Variants in EDIL3 observed in about 807,000 individuals in gnomAD.
The protein encoded by EDIL3 is EGF like and discoidin domains 3.
A neutral mutation model predicts 67.4 loss-of-function variants in EDIL3; 37 were observed. The observed-to-expected ratio is 0.55, with a 90% CI of 0.42 to 0.72. The LOEUF (loss-of-function observed/expected upper bound fraction) is 0.72, where lower values mean the gene tolerates loss of function less well. Ranked by LOEUF, EDIL3 falls within the 30% of genes least tolerant of loss-of-function variation. The probability of loss-of-function intolerance (pLI) is 0.00; values close to 1 mark genes in which losing one functional copy is unlikely to be tolerated. For missense variants in EDIL3, 527 were observed against 586.3 expected, an observed-to-expected ratio of 0.90 and a Z score of 1.04; for synonymous variants, 195 against 196.3, an observed-to-expected ratio of 0.99 and a Z score of 0.05.
At chr5:84,193,407 A>G (rs1390424338) in intron 3 of EDIL3, among the ~76,000 whole-genome samples, 1 of 151,918 alleles carries the variant, frequency 6.6e-6, no homozygotes, top group African/African-American at 2.4e-5. Flanking sequence ...TGAAACAGCA[A>G]CACTGGAAGA....
intron 2 of EDIL3, among the ~76,000 whole-genome samples, chr5:84,247,825 T>C (rs894742063): frequency 6.6e-6 from 1 of 151,970 alleles, no homozygotes; most frequent in African/African-American, 2.4e-5. Context: ...GATGTCAATG[T>C]AATTACAGAG....
At chr5:84,307,790 G>C (rs72778409) in intron 1 of EDIL3, among the ~76,000 whole-genome samples, 13,454 of 152,124 alleles carry the variant, frequency 0.088, 747 homozygotes, top group South Asian at 0.2. Flanking sequence ...GCATAATAAA[G>C]TACAGAAGAA....
At chr5:83,998,468 A>T (rs1745271676) in intron 9 of EDIL3, among the ~76,000 whole-genome samples, 1 of 152,182 alleles carries the variant, frequency 6.6e-6, no homozygotes, top group Admixed American at 6.5e-5. Context: ...GCATTGGGTG[A>T]TACCTAGTAC....
chr5:84,139,720 C>T (rs1031511427), intron 4 of EDIL3, among the ~76,000 whole-genome samples: 4 of 152,048 alleles, frequency 2.6e-5, no homozygotes, highest in Non-Finnish European at 5.9e-5. Flanking sequence ...CTCATATATA[C>T]TTAGAGAGAG....
At chr5:84,362,258 C>T (rs1026252269) in intron 1 of EDIL3, among the ~76,000 whole-genome samples, 6 of 152,158 alleles carry the variant, frequency 3.9e-5, no homozygotes, top group African/African-American at 1.2e-4. Context: ...TGGAGTACAA[C>T]CAAATGAGTC....
At chr5:84,368,653 T>C (rs1355689091) in intron 1 of EDIL3, among the ~76,000 whole-genome samples, 1 of 152,136 alleles carries the variant, frequency 6.6e-6, no homozygotes, top group East Asian at 1.9e-4. Flanking sequence ...TAAAAAGTTT[T>C]GTATATCCAA....
At chr5:84,003,727 G>T (rs992534921) in intron 9 of EDIL3, among the ~76,000 whole-genome samples, 2 of 151,978 alleles carry the variant, frequency 1.3e-5, no homozygotes, top group Non-Finnish European at 2.9e-5. Flanking sequence ...ATATACTTAG[G>T]TACATAGACC....
chr5:84,068,602 C>T (rs1184880345), intron 6 of EDIL3, among the ~76,000 whole-genome samples: 1 of 152,122 alleles, frequency 6.6e-6, no homozygotes, highest in African/African-American at 2.4e-5. Context: ...GATGGAACTG[C>T]AGTTAGTTAA....
intron 1 of EDIL3, among the ~76,000 whole-genome samples, chr5:84,311,704 C>T (rs549798935): frequency 2.2e-4 from 34 of 152,028 alleles, no homozygotes; most frequent in Non-Finnish European, 4.6e-4. Flanking sequence ...GAGGACCCTG[C>T]GGCCTTCCGC....
chr5:84,256,725 T>C (rs1303009557), intron 1 of EDIL3, among the ~76,000 whole-genome samples: 1 of 152,198 alleles, frequency 6.6e-6, no homozygotes, highest in African/African-American at 2.4e-5. Context: ...ATTTGTGCTT[T>C]GGAAGAATCA....
intron 4 of EDIL3, among the ~76,000 whole-genome samples, chr5:84,171,698 T>A (rs182215970): frequency 7.2e-5 from 11 of 152,330 alleles, no homozygotes; most frequent in African/African-American, 2.6e-4. Flanking sequence ...TTTGACTATT[T>A]CTGTGCTTAG....
At chr5:84,144,267 T>C (rs363987) in intron 4 of EDIL3, among the ~76,000 whole-genome samples, 52,343 of 148,380 alleles carry the variant, frequency 0.35, 9,907 homozygotes, top group East Asian at 0.74. Context: ...CCACCCTTCC[T>C]CCTTTCCTTC....
intron 1 of EDIL3, among the ~76,000 whole-genome samples, chr5:84,376,682 A>G (rs1747974996): frequency 6.6e-6 from 1 of 152,204 alleles, no homozygotes; most frequent in Admixed American, 6.5e-5. Flanking sequence ...TATATAAGAG[A>G]CACACTGCTG....
intron 9 of EDIL3, among the ~76,000 whole-genome samples, chr5:84,039,116 T>TTG (rs1012164347): frequency 1.3e-5 from 2 of 152,088 alleles, no homozygotes; most frequent in African/African-American, 4.8e-5. Context: ...GTGTTTTTTT[T>TTG]TTTTAATTAT....
intron 1 of EDIL3, among the ~76,000 whole-genome samples, chr5:84,371,701 A>G (rs1052596253): frequency 6.6e-6 from 1 of 151,894 alleles, no homozygotes; most frequent in African/African-American, 2.4e-5. Flanking sequence ...CTCATATAAT[A>G]GAAGTAAGAA....
chr5:84,382,434 G>A (rs575357989), intron 1 of EDIL3, among the ~76,000 whole-genome samples: 1 of 151,990 alleles, frequency 6.6e-6, no homozygotes, highest in African/African-American at 2.4e-5. Context: ...ATAGGCAAGC[G>A]CGGCCACATA....
intron 9 of EDIL3, among the ~76,000 whole-genome samples, chr5:84,031,316 A>G (rs1745919226): frequency 6.6e-6 from 1 of 152,316 alleles, no homozygotes; most frequent in Non-Finnish European, 1.5e-5. Flanking sequence ...TAATTGTTTG[A>G]CATATTTTTC....
At chr5:84,061,400 C>A (rs1219075802) in intron 8 of EDIL3, among the ~76,000 whole-genome samples, 4 of 152,032 alleles carry the variant, frequency 2.6e-5, no homozygotes, top group African/African-American at 7.2e-5. Flanking sequence ...ATGCTCTTTA[C>A]AATTTTTGTA....
At chr5:84,036,926 T>A (rs1746032081) in intron 9 of EDIL3, among the ~76,000 whole-genome samples, 1 of 152,150 alleles carries the variant, frequency 6.6e-6, no homozygotes, top group African/African-American at 2.4e-5. Flanking sequence ...CAAAAACAGA[T>A]CAAGCTAAAT....
Sources: allele counts gnomAD v4.1 joint callset (sites outside exome capture counted in the v4.1 genomes callset), GRCh38; gene constraint gnomAD v4.1.1; transcripts MANE v1.5; gene names NCBI Gene and HGNC (gene_info 2026-07-23, HGNC 2026-07-21).